TACC1: variants seen among roughly 807,000 people sequenced by gnomAD.
TACC1 encodes the protein transforming acidic coiled-coil-containing protein 1.
TACC1 carries 48 observed loss-of-function variants against 84.4 expected under a neutral mutation model. The ratio of observed to expected loss-of-function variants is 0.57; its 90% CI spans 0.45 to 0.72. TACC1 has a LOEUF of 0.72. Among genes scored for constraint, TACC1 ranks in the 30% least tolerant of loss-of-function variants. The pLI, the probability that TACC1 is intolerant of heterozygous loss-of-function variation, is 0.00. For missense variants in TACC1, 920 were observed against 973.0 expected (o/e 0.95, Z 0.72); for synonymous variants, 372 against 376.3 (o/e 0.99, Z 0.13).
chr8:38,729,726 G>A (rs1487300664), intron 1 of TACC1, among the ~76,000 whole-genome samples: 23 of 152,056 alleles, frequency 1.5e-4, no homozygotes, highest in Admixed American at 1.5e-3. Flanking sequence ...AAAATTAGCT[G>A]GGCGTGGTGG....
intron 2 of TACC1, among the ~76,000 whole-genome samples, chr8:38,815,192 A>G (rs1235432898): frequency 6.6e-6 from 1 of 152,194 alleles, no homozygotes; most frequent in Non-Finnish European, 1.5e-5. Context: ...AAGATCTGTT[A>G]CTTAGAGTGG....
At chr8:38,810,423 A>G (rs1042424850) in intron 2 of TACC1, among the ~76,000 whole-genome samples, 3 of 152,050 alleles carry the variant, frequency 2.0e-5, no homozygotes, top group Admixed American at 2.0e-4. Flanking sequence ...CAACATAATA[A>G]GACCCCATTT....
At chr8:38,801,699 T>G (rs778295694) in intron 2 of TACC1, among the ~76,000 whole-genome samples, 44 of 152,214 alleles carry the variant, frequency 2.9e-4, no homozygotes, top group Admixed American at 1.3e-4. Flanking sequence ...TTAGCTATTC[T>G]GAGTCCATTG....
chr8:38,773,319 C>T (rs538033291), intron 3 of TACC1, among the ~76,000 whole-genome samples: 119 of 149,188 alleles, frequency 8.0e-4, no homozygotes, highest in South Asian at 1.7e-3. Flanking sequence ...AGTAAAACTC[C>T]GTCTCAAAAA....
At chr8:38,775,399 G>T (rs1277801935) in intron 3 of TACC1, among the ~76,000 whole-genome samples, 1 of 152,180 alleles carries the variant, frequency 6.6e-6, no homozygotes, top group African/African-American at 2.4e-5. Context: ...GTCTGTTAAG[G>T]CTACTATAAG....
intron 3 of TACC1, among the ~76,000 whole-genome samples, chr8:38,773,565 T>G (rs1480368664): frequency 6.6e-6 from 1 of 151,162 alleles, no homozygotes; most frequent in Non-Finnish European, 1.5e-5. Flanking sequence ...AAAGTATCTA[T>G]CTATCTAGCT....
rs564820197 is a variant in TACC1, at chr8:38,837,284, G to A, written c.1839+997G>A. On this transcript the variant is annotated intron_variant, in intron 7 of 12. Coordinates refer to ENST00000317827, the MANE Select transcript of TACC1 (RefSeq NM_006283.3). ...AAAAAAAATACAAAATTAGCTGGGC[G>A]TGGTGGTGCATGCCTGTAATCCCAG... Among the ~76,000 whole-genome samples, 142 of 151,566 alleles carry A rather than the reference G, an allele frequency of 9.4e-4. 2 individuals are homozygous for A. The South Asian group carries it at 0.028, about 30-fold the overall frequency.
chr8:38,809,105 T>A (rs1453114525), intron 2 of TACC1, among the ~76,000 whole-genome samples: 1 of 151,478 alleles, frequency 6.6e-6, no homozygotes, highest in Non-Finnish European at 1.5e-5. Flanking sequence ...CTGAGCGGGG[T>A]GGTGTTTGTT....
chr8:38,826,654 A>T (rs1387577959), intron 4 of TACC1, among the ~76,000 whole-genome samples: 1 of 152,222 alleles, frequency 6.6e-6, no homozygotes, highest in African/African-American at 2.4e-5. Flanking sequence ...GAGGAAAAGG[A>T]ATAACATAAA....
chr8:38,840,879 G>A (rs1490918865), intron 9 of TACC1, among the ~76,000 whole-genome samples: 12 of 151,944 alleles, frequency 7.9e-5, no homozygotes, highest in Admixed American at 5.9e-4. Flanking sequence ...GAGAAACCCC[G>A]TCTCTACTAA....
chr8:38,799,014 T>C (rs1820693913), intron 2 of TACC1, among the ~76,000 whole-genome samples: 1 of 152,156 alleles, frequency 6.6e-6, no homozygotes, highest in Non-Finnish European at 1.5e-5. Flanking sequence ...CACTCAAATT[T>C]TGGACTTTTA....
intron 3 of TACC1, among the ~76,000 whole-genome samples, chr8:38,769,012 G>A (rs1179145717): frequency 5.4e-5 from 8 of 149,042 alleles, no homozygotes; most frequent in Non-Finnish European, 1.0e-4. Context: ...TGCGTGGTGC[G>A]TGGATATGAG....
At chr8:38,781,003 G>C (rs551669306) in intron 3 of TACC1, among the ~76,000 whole-genome samples, 1 of 152,232 alleles carries the variant, frequency 6.6e-6, no homozygotes, top group African/African-American at 2.4e-5. Context: ...CTAGACTAAG[G>C]AATTAAGTTG....
At chr8:38,840,555 T>C in intron 9 of TACC1, 1 of 252,706 alleles carries the variant, frequency 4.0e-6, no homozygotes, top group Non-Finnish European at 7.6e-6. Context: ...CTGAACATAC[T>C]CACACACTGG....
intron 12 of TACC1, 141 bp from the exon 13 acceptor site, chr8:38,847,814 C>A: frequency 1.7e-6 from 1 of 591,964 alleles, no homozygotes; most frequent in Non-Finnish European, 2.9e-6. Context: ...TTCTTTAAAG[C>A]ATCTCTGATG....
chr8:38,780,258 A>G (rs1418813444), intron 3 of TACC1, among the ~76,000 whole-genome samples: 1 of 149,380 alleles, frequency 6.7e-6, no homozygotes, highest in Non-Finnish European at 1.5e-5. Flanking sequence ...ATATGCTCTG[A>G]GGTAAGGGTT....
Position 38,845,422 on chromosome 8 carries a change from C to T in TACC1, c.2229-1277C>T, listed in dbSNP as rs535127931. On this transcript the variant is annotated intron_variant, in intron 11 of 12. Transcript: ENST00000317827. ...TAGGTTTATTGTATATCCCTCTAGT[C>T]GTTTCTTTGTGTCTTTATAAATACT... Among the ~76,000 whole-genome samples the T allele has an allele frequency of 4.6e-5, 7 of 152,180 alleles. No homozygotes were observed. In the East Asian group the frequency reaches 1.3e-3, roughly 29 times the overall value.
Position 38,848,640 on chromosome 8 carries a change from A to G in TACC1, c.*617A>G, listed in dbSNP as rs897782226. 8.5e-5 allele frequency: 13 copies of G among 152,648 alleles called. No homozygotes were observed. The highest frequency in any genetic ancestry group is 3.1e-4 in the African/African-American group (13 of 41,452). The allele number at this position is 152,648 out of a possible 1,614,324, so 9.5% of individuals were successfully genotyped here. On this transcript the variant is annotated 3_prime_UTR_variant, in exon 13 of 13. Transcript: ENST00000317827. ...CATATTTCCTTGGATGTGAGACCCT[A>G]TTTTGAAATAGAGTCCTGACTCAGA...
chr8:38,835,628 G>A (rs576837844), intron 6 of TACC1, among the ~76,000 whole-genome samples: 1 of 152,276 alleles, frequency 6.6e-6, no homozygotes, highest in Non-Finnish European at 1.5e-5. Context: ...GGGTGAAAGG[G>A]TGGGGGTGAG....
Sources: gnomAD v4.1 joint callset for allele counts (sites outside exome capture counted in the v4.1 genomes callset) on GRCh38, gnomAD v4.1.1 for gene constraint, MANE v1.5 for transcripts, NCBI Gene and HGNC (gene_info 2026-07-23, HGNC 2026-07-21) for gene names.